Variants in HADHA observed in about 807,000 individuals in gnomAD.
HADHA encodes hydroxyacyl-CoA dehydrogenase trifunctional multienzyme complex subunit alpha, also known as trifunctional enzyme subunit alpha, mitochondrial.
HADHA carries 59 observed loss-of-function variants against 91.3 expected under a neutral mutation model. The observed-to-expected ratio is 0.65, with a 90% CI of 0.52 to 0.80. The LOEUF (loss-of-function observed/expected upper bound fraction) is 0.80. HADHA is among the 30% of genes least tolerant of loss of function. The pLI is 0.00. For synonymous variants in HADHA, 320 were observed against 338.9 expected, an observed-to-expected ratio of 0.94 and a Z score of 0.61; for missense variants, 800 against 927.6, an observed-to-expected ratio of 0.86 and a Z score of 1.79.
chr2:26,223,055 G>C (rs539395177), intron 7 of HADHA, among the ~76,000 whole-genome samples: 50 of 152,296 alleles, frequency 3.3e-4, no homozygotes, highest in African/African-American at 1.2e-3. Flanking sequence ...CAAAATTTCT[G>C]CTTCTTGTCC....
intron 10 of HADHA, 152 bp downstream of exon 10, chr2:26,212,418 A>G (rs1487672852): frequency 2.9e-6 from 2 of 688,024 alleles, no homozygotes; most frequent in African/African-American, 1.8e-5. Context: ...CCACTTGCTC[A>G]CTGAGATTAA....
chr2:26,244,400 G>C, intron 1 of HADHA, 130 bp downstream of exon 1: 1 of 903,684 alleles, frequency 1.1e-6, no homozygotes, highest in South Asian at 1.4e-5. Flanking sequence ...TCCCAGGGCA[G>C]TATCCCCACA....
Position 26,192,358 on chromosome 2 carries a change from T to A in HADHA, c.1952A>T (p.Asp651Val). ...EGVKRKDLNS[D>V]MDSILASLKL... ...CAGACTCGCTAAAATACTATCCATG[T>A]CAGAATTCAAATCCTTCCTCTTCAC... The change falls in exon 18 of 20, where the codon GAC becomes GTC. Residue 651 changes from aspartate (D) to valine (V), a missense_variant. By Grantham distance (152) the Asp-to-Val change is radical. Coordinates refer to ENST00000380649, the MANE Select transcript of HADHA (RefSeq NM_000182.5). 1 of 1,611,176 alleles carries A rather than the reference T, an allele frequency of 6.2e-7. No homozygotes were observed. Among genetic ancestry groups the A allele is most frequent in the South Asian group, 1.1e-5 (1 of 91,004 alleles).
chr2:26,244,585 G>A lies in HADHA; in HGVS notation c.12C>T (p.Cys4=), dbSNP rs938902936. MVA[C]RAIGILSRFS... ...AGCGGCTGAGGATGCCAATCGCCCG[G>A]CAGGCCACCATCTTGAGCTGAAGAG... is the stretch of plus-strand genomic sequence containing the variant. Residue 4 remains cysteine (C), a synonymous_variant, in exon 1 of 20, where the codon TGC becomes TGT. Coordinates refer to ENST00000380649, the MANE Select transcript of HADHA (RefSeq NM_000182.5). 6.9e-6 allele frequency: 11 copies of A among 1,584,098 alleles called. No individual in the cohort carries two copies. In the Admixed American group the frequency reaches 1.4e-4, roughly 21 times the overall value.
rs1553315922 is a variant in HADHA, at chr2:26,236,420, G to GTATA, written c.314+431_314+434dup. On this transcript the variant is annotated intron_variant, in intron 4 of 19. Transcript: ENST00000380649. ...TGTGTGTGTGTGTGTGTGTGTGTGT[G>GTATA]TATATACTTTTTTTTTTTAAGACAG... Among the ~76,000 whole-genome samples, 349 of 116,524 alleles carry GTATA rather than the reference G, an allele frequency of 3.0e-3. 6 individuals carry two copies. The highest frequency in any genetic ancestry group is 8.8e-3 in the East Asian group (38 of 4,324). 76.4% of individuals were successfully genotyped at this position (116,524 alleles called of 152,430 possible).
intron 17 of HADHA, 28 bp downstream of exon 17, chr2:26,193,549 C>T: frequency 6.5e-7 from 1 of 1,546,746 alleles, no homozygotes; most frequent in Non-Finnish European, 8.9e-7. Context: ...ACTAATGGTG[C>T]TAGTTATGTT....
At chr2:26,200,256 A>T (rs746131778) in intron 13 of HADHA, among the ~76,000 whole-genome samples, 1 of 152,158 alleles carries the variant, frequency 6.6e-6, no homozygotes, top group Admixed American at 6.5e-5. Flanking sequence ...GAATCATTTC[A>T]TGTTCACCTT....
chr2:26,201,046 T>C, intron 13 of HADHA, 103 bp downstream of exon 13: 1 of 897,568 alleles, frequency 1.1e-6, no homozygotes, highest in Non-Finnish European at 1.8e-6. Flanking sequence ...AATAGTCCTT[T>C]TTATAAAAGC....
At chr2:26,241,506 C>T (rs1367281957) in intron 1 of HADHA, among the ~76,000 whole-genome samples, 1 of 151,604 alleles carries the variant, frequency 6.6e-6, no homozygotes, top group Non-Finnish European at 1.5e-5. Flanking sequence ...AAAAAGTTAG[C>T]TGGGCGTGGT....
rs933660891 is a variant in HADHA at position 26,239,235 on chromosome 2, C to T, written c.68-92G>A. On this transcript the variant is annotated intron_variant, in intron 1 of 19. Coordinates refer to ENST00000380649, the MANE Select transcript of HADHA (RefSeq NM_000182.5). Reference sequence around the variant, plus strand: ...AAGCTGTAATTTACAATAATAACAACAACAAAAACCCCAAATCTGTACAAT... The same window carrying T: ...AAGCTGTAATTTACAATAATAACAATAACAAAAACCCCAAATCTGTACAAT... 3.5e-6 allele frequency: 3 copies of T among 865,624 alleles called. No homozygotes were observed. In the African/African-American group the frequency reaches 5.0e-5, roughly 14 times the overall value. 53.6% of individuals were successfully genotyped at this position (865,624 alleles called of 1,614,324 possible). A position where few individuals can be genotyped will look rare whatever the true frequency, so the allele number is the denominator to read the frequency against.
intron 3 of HADHA, among the ~76,000 whole-genome samples, chr2:26,238,258 G>A (rs1407641930): frequency 6.6e-6 from 1 of 152,046 alleles, no homozygotes; most frequent in East Asian, 1.9e-4. Flanking sequence ...CTCCTGCCTC[G>A]GCCATCCAGT....
Position 26,214,382 on chromosome 2 carries a change from A to C in HADHA, c.918+61T>G. 1 of 834,680 alleles carries C rather than the reference A, an allele frequency of 1.2e-6. No homozygotes were observed. The highest frequency in any genetic ancestry group is 1.3e-5 in the South Asian group (1 of 75,400). The allele number at this position is 834,680 out of a possible 1,614,324, so 51.7% of individuals were successfully genotyped here. ...TACATGGTCCAGAATGGCAATAAGGAGGAGTGATCTATATAAAGGAAGGAA... is the reference window on the plus strand; with the variant it reads ...TACATGGTCCAGAATGGCAATAAGGCGGAGTGATCTATATAAAGGAAGGAA... On this transcript the variant is annotated intron_variant, in intron 9 of 19. Coordinates refer to ENST00000380649, the MANE Select transcript of HADHA (RefSeq NM_000182.5). This position sits in a 1 kb window ranked among gnomAD's most constrained non-coding sequence, Gnocchi z 4.1.
rs1574612640 is a variant in HADHA at position 26,209,821 on chromosome 2, C to T, written c.1044G>A (p.Leu348=). Residue 348 remains leucine, a synonymous_variant, in exon 11 of 20, where the codon CTG becomes CTA. Coordinates refer to ENST00000380649, the MANE Select transcript of HADHA (RefSeq NM_000182.5). ...ALMGLYHGQV[L]CKKNKFGAPQ... ...GAGCTCCAAATTTATTCTTCTTGCACAGGACCTGACCATGGTAGAGTCCCA... is the reference window on the plus strand; with the variant it reads ...GAGCTCCAAATTTATTCTTCTTGCATAGGACCTGACCATGGTAGAGTCCCA... The T allele has an allele frequency of 1.2e-6, 2 of 1,602,788 alleles. No individual in the cohort carries two copies. Among genetic ancestry groups the T allele is most frequent in the Non-Finnish European group, 1.7e-6 (2 of 1,169,698 alleles).
At chr2:26,226,694 G>C (rs1389071217) in intron 7 of HADHA, among the ~76,000 whole-genome samples, 1 of 152,174 alleles carries the variant, frequency 6.6e-6, no homozygotes, top group African/African-American at 2.4e-5. Flanking sequence ...AGACCAAAAT[G>C]TAAGAGCTAA....
chr2:26,201,082 T>TA (rs199611032), intron 13 of HADHA, 67 bp downstream of exon 13: 1,952 of 1,145,808 alleles, frequency 1.7e-3, no homozygotes, highest in Non-Finnish European at 2.2e-3. Flanking sequence ...ATAGCTCCTT[T>TA]AAAAAAAAAA....
Position 26,214,339 on chromosome 2 carries a change from GA to G in HADHA, c.918+103del, listed in dbSNP as rs1451107538. ...GTAAATACTTTAATAGCAGAATTAAGAAATTTAGTACTCAACATACATGGTC... is the reference window on the plus strand; with the variant it reads ...GTAAATACTTTAATAGCAGAATTAAGAATTTAGTACTCAACATACATGGTC... On this transcript the variant is annotated intron_variant, in intron 9 of 19. Coordinates refer to ENST00000380649, the MANE Select transcript of HADHA (RefSeq NM_000182.5). This position sits in a 1 kb window ranked among gnomAD's most constrained non-coding sequence, Gnocchi z 4.1. The G allele has an allele frequency of 1.3e-6, 1 of 776,760 alleles. No individual in the cohort carries two copies. The highest frequency in any genetic ancestry group is 1.7e-5 in the African/African-American group (1 of 58,582). The allele number at this position is 776,760 out of a possible 1,614,324, so 48.1% of individuals were successfully genotyped here. A position where few individuals can be genotyped will look rare whatever the true frequency, so the allele number is the denominator to read the frequency against.
chr2:26,201,695 T>C lies in HADHA; in HGVS notation c.1221-375A>G, dbSNP rs911555896. Among the ~76,000 whole-genome samples the C allele has an allele frequency of 3.9e-5, 6 of 152,140 alleles. No homozygotes were observed. In the East Asian group the frequency reaches 1.2e-3, roughly 29 times the overall value. On this transcript the variant is annotated intron_variant, in intron 12 of 19. Coordinates refer to ENST00000380649, the MANE Select transcript of HADHA (RefSeq NM_000182.5). ...AGGAGTTCTGGTAATTCTCTACCTA[T>C]GACAGGGGAAGCAGCCAAAGTGTGT...
In HADHA at chr2:26,204,189, C is replaced by T; in HGVS notation, c.1093G>A (p.Ala365Thr). Residue 365 changes from alanine (A) to threonine (T), a missense_variant, in exon 12 of 20, where the codon GCT becomes ACT. Physicochemically the swap from Ala to Thr is moderately conservative, Grantham distance 58. Transcript: ENST00000380649. ...CCCATCAGCCCTGCACCAAGAATAG[C>T]CAGATGCCTGCAAGGCAAGGATGAA... Reference protein sequence around the residue: ...GAPQKDVKHLAILGAGLMGAG... With the variant: ...GAPQKDVKHLTILGAGLMGAG... The T allele has an allele frequency of 6.2e-7, 1 of 1,613,936 alleles. No individual in the cohort carries two copies. The highest frequency in any genetic ancestry group is 1.1e-5 in the South Asian group (1 of 91,080).
At chr2:26,222,526 A>G (rs968664353) in intron 7 of HADHA, among the ~76,000 whole-genome samples, 11 of 152,204 alleles carry the variant, frequency 7.2e-5, no homozygotes, top group Non-Finnish European at 1.6e-4. Flanking sequence ...GACTCGTTCT[A>G]TGGATAGCAG....
Sources: gnomAD v4.1 joint callset for allele counts (sites outside exome capture counted in the v4.1 genomes callset) on GRCh38, gnomAD v4.1.1 for gene constraint, Gnocchi (gnomAD v3.1) non-coding constraint, MANE v1.5 for transcripts, NCBI Gene and HGNC (gene_info 2026-07-23, HGNC 2026-07-21) for gene names.